Variants in LARGE1 observed in about 807,000 individuals in gnomAD.
The protein encoded by LARGE1 is xylosyl- and glucuronyltransferase LARGE1.
LARGE1 carries 43 observed loss-of-function variants against 87.6 expected under a neutral mutation model. The observed-to-expected ratio is 0.49, with a 90% CI of 0.38 to 0.63. The LOEUF (loss-of-function observed/expected upper bound fraction) is 0.63, where lower values mean the gene tolerates loss of function less well. Ranked by LOEUF, LARGE1 falls within the 30% of genes least tolerant of loss-of-function variation. The pLI is 0.00. For missense variants in LARGE1, 802 were observed against 1,000.2 expected, an observed-to-expected ratio of 0.80 and a Z score of 2.67; for synonymous variants, 434 against 394.6, an observed-to-expected ratio of 1.10 and a Z score of -1.18.
intron 2 of LARGE1, chr22:33,750,629 G>A (rs753481745): frequency 6.6e-5 from 10 of 151,240 alleles, no homozygotes; most frequent in Non-Finnish European, 1.3e-4. Context: ...GAAAATGCAT[G>A]TTTGTTGAAT....
At chr22:33,373,338 C>A (rs2064881776) in intron 9 of LARGE1, among the ~76,000 whole-genome samples, 1 of 152,176 alleles carries the variant, frequency 6.6e-6, no homozygotes, top group South Asian at 2.1e-4. Flanking sequence ...ATCTGTTTAA[C>A]TGCCATCTTC....
intron 7 of LARGE1, among the ~76,000 whole-genome samples, chr22:33,408,042 A>G (rs7284548): frequency 0.43 from 64,633 of 150,014 alleles, 17,524 homozygotes; most frequent in African/African-American, 0.78. Context: ...GTGCAGTGGC[A>G]CGATCTCGGC....
rs79404529 is a variant in LARGE1, at chr22:33,865,014, G to A, written c.-83+54981C>T. 7.3e-4 allele frequency among the ~76,000 whole-genome samples: 111 copies of A among 152,308 alleles called. No homozygotes were observed. The East Asian group carries it at 0.011, about 15-fold the overall frequency. Reference sequence around the variant, plus strand: ...CGCAGTTTCTGAAAGAGTCACAGCCGTGGGTGTCAGGCCCAGCCCAGCAGA... The same window carrying A: ...CGCAGTTTCTGAAAGAGTCACAGCCATGGGTGTCAGGCCCAGCCCAGCAGA... On this transcript the variant is annotated intron_variant, in intron 1 of 14. Transcript: ENST00000397394.
intron 6 of LARGE1, among the ~76,000 whole-genome samples, chr22:33,544,769 C>G (rs1308866977): frequency 6.6e-6 from 1 of 152,170 alleles, no homozygotes; most frequent in East Asian, 1.9e-4. Flanking sequence ...CTTACTAGTT[C>G]TGATTGGTTC....
At chr22:33,454,341 CG>C in intron 6 of LARGE1, among the ~76,000 whole-genome samples, 1 of 152,018 alleles carries the variant, frequency 6.6e-6, no homozygotes, top group East Asian at 1.9e-4. Context: ...TGAGTTAGGC[CG>C]GGCACAGTGG....
At chr22:33,207,732 C>T (rs910521135) in intron 11 of LARGE1, among the ~76,000 whole-genome samples, 10 of 152,088 alleles carry the variant, frequency 6.6e-5, no homozygotes, top group African/African-American at 1.7e-4. Flanking sequence ...TGAAGATTGG[C>T]AAATCCACTG....
the LARGE1 span, among the ~76,000 whole-genome samples, chr22:33,073,062 A>C: frequency 6.6e-6 from 1 of 152,214 alleles, no homozygotes; most frequent in Non-Finnish European, 1.5e-5. Flanking sequence ...TGGGAACATC[A>C]TGTCAACTCT....
chr22:33,191,941 G>A (rs1243903557), intron 11 of LARGE1, among the ~76,000 whole-genome samples: 1 of 152,044 alleles, frequency 6.6e-6, no homozygotes, highest in African/African-American at 2.4e-5. Flanking sequence ...TTAGAACTGG[G>A]CTCTTATATG....
At chr22:33,682,061 G>T (rs1303955116) in intron 2 of LARGE1, among the ~76,000 whole-genome samples, 2 of 152,206 alleles carry the variant, frequency 1.3e-5, no homozygotes, top group South Asian at 2.1e-4. Context: ...CCATGGTGTG[G>T]TGCGTGGACA....
intron 6 of LARGE1, among the ~76,000 whole-genome samples, chr22:33,535,678 TA>T (rs764955753): frequency 3.4e-4 from 52 of 152,288 alleles, no homozygotes; most frequent in Middle Eastern, 3.4e-3. Flanking sequence ...AACCCCCTCA[TA>T]GGGCTGGGGA....
intron 1 of LARGE1, among the ~76,000 whole-genome samples, chr22:33,882,078 T>C (rs2064709531): frequency 6.7e-6 from 1 of 150,194 alleles, no homozygotes; most frequent in Admixed American, 6.6e-5. Flanking sequence ...AGTCTCGCTC[T>C]GTCACCCAGG....
chr22:33,197,157 A>G (rs1924124110), intron 11 of LARGE1, among the ~76,000 whole-genome samples: 1 of 151,850 alleles, frequency 6.6e-6, no homozygotes, highest in Non-Finnish European at 1.5e-5. Flanking sequence ...TCTATTAAAG[A>G]AGAGCTACAA....
chr22:33,891,206 C>T (rs952992584), intron 1 of LARGE1, among the ~76,000 whole-genome samples: 1 of 152,204 alleles, frequency 6.6e-6, no homozygotes, highest in Non-Finnish European at 1.5e-5. Context: ...TCAAGAGGCT[C>T]TCCTCTGTGC....
chr22:33,381,952 G>A lies in LARGE1; in HGVS notation c.1098C>T (p.Ser366=). Residue 366 remains serine, a synonymous_variant, in exon 9 of 15, where the codon TCC becomes TCT. Transcript: ENST00000397394. ...CAGACACGTCTCTGTAGCACTGCTC[G>A]GAGCGGGTGTGGTCTGACAGCTGCA... The part of the protein sequence containing the change: ...WNVQLSDHTR[S]EQCYRDVSDL... The A allele has an allele frequency of 3.7e-6, 6 of 1,614,100 alleles. No homozygotes were observed. The highest frequency in any genetic ancestry group is 5.1e-6 in the Non-Finnish European group (6 of 1,180,006).
intron 2 of LARGE1, among the ~76,000 whole-genome samples, chr22:33,652,759 T>C (rs1036388817): frequency 5.3e-5 from 8 of 152,212 alleles, no homozygotes; most frequent in Non-Finnish European, 8.8e-5. Flanking sequence ...GTCTCACTTG[T>C]GCTTGTGTCG....
chr22:33,595,663 G>A (rs2078958516), intron 5 of LARGE1, among the ~76,000 whole-genome samples: 1 of 152,230 alleles, frequency 6.6e-6, no homozygotes, highest in Non-Finnish European at 1.5e-5. Flanking sequence ...AATGTGTCAG[G>A]TCTTCAAACA....
chr22:33,229,336 A>C (rs1925887864), intron 11 of LARGE1, among the ~76,000 whole-genome samples: 1 of 152,182 alleles, frequency 6.6e-6, no homozygotes, highest in Non-Finnish European at 1.5e-5. Flanking sequence ...GAGGAAAATT[A>C]GCATCTCACA....
At chr22:33,354,957 G>T (rs1262561767) in intron 9 of LARGE1, among the ~76,000 whole-genome samples, 2 of 152,092 alleles carry the variant, frequency 1.3e-5, no homozygotes, top group Non-Finnish European at 2.9e-5. Context: ...GAGCAAAAGG[G>T]TTTATTATTA....
chr22:33,302,046 G>C lies in LARGE1; in HGVS notation c.1730+2183C>G, dbSNP rs536142623. 4.9e-4 allele frequency among the ~76,000 whole-genome samples: 74 copies of C among 152,328 alleles called. No individual in the cohort carries two copies. In the South Asian group the frequency reaches 0.014, roughly 29 times the overall value. Reference sequence around the variant, plus strand: ...GAAGAAGAGTCCCAGAGGGGTGGAGGGTGGGCAGGGGTCCAATCCTGAAGC... The same window carrying C: ...GAAGAAGAGTCCCAGAGGGGTGGAGCGTGGGCAGGGGTCCAATCCTGAAGC... On this transcript the variant is annotated intron_variant, in intron 12 of 14. Transcript: ENST00000397394.
Sources: gnomAD v4.1 joint callset for allele counts (sites outside exome capture counted in the v4.1 genomes callset) on GRCh38, gnomAD v4.1.1 for gene constraint, MANE v1.5 for transcripts, NCBI Gene and HGNC (gene_info 2026-07-23, HGNC 2026-07-21) for gene names.